PI4KA: variants seen among roughly 807,000 people sequenced by gnomAD.
PI4KA encodes the protein PI4-kinase alpha.
In PI4KA, 122 loss-of-function variants were observed where a neutral mutation model predicts 271.4. The ratio of observed to expected loss-of-function variants is 0.45; its 90% CI spans 0.39 to 0.52. PI4KA has a LOEUF of 0.52. Ranked by LOEUF, PI4KA falls within the 20% of genes least tolerant of loss-of-function variation. The probability of loss-of-function intolerance (pLI) is 0.00; values close to 1 mark genes in which losing one functional copy is unlikely to be tolerated. For synonymous variants in PI4KA, 1,041 were observed against 1,078.8 expected, an observed-to-expected ratio of 0.96 and a Z score of 0.69; for missense variants, 1,969 against 2,769.1, an observed-to-expected ratio of 0.71 and a Z score of 6.48.
intron 28 of PI4KA, among the ~76,000 whole-genome samples, chr22:20,748,419 G>C (rs1930341579): frequency 6.6e-6 from 1 of 152,260 alleles, no homozygotes; most frequent in Non-Finnish European, 1.5e-5. Flanking sequence ...TGGTGTGGGT[G>C]AACTGGACAG....
intron 54 of PI4KA, among the ~76,000 whole-genome samples, chr22:20,708,549 C>CCACCTGGGGGCAGGTCTCAGCTT (rs1924810082): frequency 7.0e-6 from 1 of 142,774 alleles, no homozygotes; most frequent in Admixed American, 7.0e-5. Context: ...GACCCGGGCG[C>CCACCTGGGGGCAGGTCTCAGCTT]CACCTGGGGG....
chr22:20,841,797 G>A (rs1024486734), intron 1 of PI4KA, among the ~76,000 whole-genome samples: 5 of 152,216 alleles, frequency 3.3e-5, no homozygotes, highest in Non-Finnish European at 7.3e-5. Context: ...AAAAGGAGAA[G>A]AGAGAGGCAG....
chr22:20,723,692 G>A (rs925059589), intron 42 of PI4KA, among the ~76,000 whole-genome samples: 1 of 151,946 alleles, frequency 6.6e-6, no homozygotes, highest in Non-Finnish European at 1.5e-5. Context: ...TTAGCCAGGC[G>A]TGGTGGTACA....
intron 13 of PI4KA, among the ~76,000 whole-genome samples, chr22:20,802,962 T>C (rs933826720): frequency 1.3e-5 from 2 of 152,118 alleles, no homozygotes; most frequent in African/African-American, 4.8e-5. Context: ...CAGTGAAAGA[T>C]GTCAAAAAGA....
At chr22:20,854,901 T>C (rs165762) in intron 1 of PI4KA, among the ~76,000 whole-genome samples, 74,068 of 151,998 alleles carry the variant, frequency 0.49, 18,558 homozygotes, top group African/African-American at 0.59. Flanking sequence ...CCTGCAATCC[T>C]GGCACTTTGG....
chr22:20,747,956 G>C (rs1930290830), intron 28 of PI4KA, among the ~76,000 whole-genome samples: 1 of 152,154 alleles, frequency 6.6e-6, no homozygotes, highest in Non-Finnish European at 1.5e-5. Context: ...AGGTTGGCTT[G>C]AATTCCTGGG....
chr22:20,796,846 C>A (rs553503906), intron 17 of PI4KA, among the ~76,000 whole-genome samples: 5 of 152,346 alleles, frequency 3.3e-5, no homozygotes, highest in African/African-American at 9.6e-5. Flanking sequence ...GCCTCAGGAT[C>A]TTGGCTGGCC....
intron 32 of PI4KA, among the ~76,000 whole-genome samples, chr22:20,739,744 A>G (rs1053340076): frequency 2.6e-5 from 4 of 152,206 alleles, no homozygotes; most frequent in African/African-American, 9.6e-5. Context: ...AGAGAATCTC[A>G]GCAGCAGAAA....
chr22:20,746,713 T>A (rs144191834), intron 29 of PI4KA, among the ~76,000 whole-genome samples: 15 of 152,284 alleles, frequency 9.9e-5, no homozygotes, highest in Non-Finnish European at 1.8e-4. Flanking sequence ...GCCCTGCAGG[T>A]GCAGGCTGGA....
chr22:20,709,941 G>A lies in PI4KA; in HGVS notation c.6140C>T (p.Pro2047Leu). Residue 2047 changes from proline to leucine, a missense_variant, in exon 53 of 55, where the codon CCC becomes CTC. Transcript: ENST00000255882. Reference sequence around the variant, plus strand: ...CTTGATTGTCTGGCCGCGAAAACAGGGCAGGCCCGTGTCCAACATGAGAGT... The same window carrying A: ...CTTGATTGTCTGGCCGCGAAAACAGAGCAGGCCCGTGTCCAACATGAGAGT... The part of the protein sequence containing the change: ...LVTLMLDTGL[P>L]CFRGQTIKLL... The A allele has an allele frequency of 6.2e-7, 1 of 1,613,388 alleles. No homozygotes were observed. The highest frequency in any genetic ancestry group is 1.1e-5 in the South Asian group (1 of 91,056).
chr22:20,747,869 G>A (rs1380585560), intron 28 of PI4KA, among the ~76,000 whole-genome samples, 167 bp from the exon 29 acceptor site: 1 of 151,952 alleles, frequency 6.6e-6, no homozygotes, highest in Non-Finnish European at 1.5e-5. Flanking sequence ...CAAGTAGCTG[G>A]GACTATAGGG....
intron 19 of PI4KA, among the ~76,000 whole-genome samples, chr22:20,771,875 C>T (rs752784444): frequency 3.3e-5 from 5 of 152,218 alleles, no homozygotes; most frequent in South Asian, 2.1e-4. Context: ...AGCCACCACA[C>T]CTGGCCGGTA....
intron 42 of PI4KA, among the ~76,000 whole-genome samples, chr22:20,723,848 T>A (rs566561672): frequency 1.3e-5 from 2 of 151,388 alleles, no homozygotes; most frequent in African/African-American, 4.8e-5. Flanking sequence ...AAATATTTAT[T>A]ATTTTTTTGA....
chr22:20,716,894 C>T lies in PI4KA; in HGVS notation c.5317+814G>A, dbSNP rs142043211. ...AGGGCACTCCACAGCTGAGACCAGC[C>T]GCTGTGAACATCTGCACAGGACAGA... On this transcript the variant is annotated intron_variant, in intron 45 of 54. Transcript: ENST00000255882. Among the ~76,000 whole-genome samples the T allele has an allele frequency of 6.2e-4, 95 of 152,296 alleles. 2 individuals are homozygous for T. The highest frequency in any genetic ancestry group is 1.9e-3 in the African/African-American group (80 of 41,562).
At chr22:20,770,258 A>T (rs1932808414) in intron 19 of PI4KA, among the ~76,000 whole-genome samples, 1 of 151,546 alleles carries the variant, frequency 6.6e-6, no homozygotes, top group African/African-American at 2.4e-5. Flanking sequence ...CATGCCTGTA[A>T]TCCTAGCACT....
At position 20,733,800 on chromosome 22, in the gene PI4KA, G is replaced by C; in HGVS notation, c.4096C>G (p.Pro1366Ala). ...GLSLLHADVVPNATIRNVLRE... is the reference protein window; with the variant it reads ...GLSLLHADVVANATIRNVLRE... ...AGCACATTGCGGATGGTTGCATTTG[G>C]AACCACATCGGCATGCAGGAGGGAC... The change falls in exon 35 of 55, where the codon CCA becomes GCA. Residue 1366 changes from proline to alanine, a missense_variant. By Grantham distance (27) the Pro-to-Ala change is conservative (BLOSUM62 -1). Coordinates refer to ENST00000255882, the MANE Select transcript of PI4KA (RefSeq NM_058004.4). 6.2e-7 allele frequency: 1 copy of C among 1,612,648 alleles called. No homozygotes were observed. Among genetic ancestry groups the C allele is most frequent in the Non-Finnish European group, 8.5e-7 (1 of 1,179,846 alleles).
chr22:20,833,487 G>A (rs944220749), intron 3 of PI4KA, among the ~76,000 whole-genome samples: 7 of 152,120 alleles, frequency 4.6e-5, no homozygotes, highest in African/African-American at 1.7e-4. Context: ...GGGTCTGTGT[G>A]CACATTTGCA....
At chr22:20,779,854 T>G in intron 19 of PI4KA, 1 of 1,614,246 alleles carries the variant, frequency 6.2e-7, no homozygotes. Context: ...CACTCGATTT[T>G]GCATTTTAAA....
intron 19 of PI4KA, among the ~76,000 whole-genome samples, chr22:20,770,437 C>T (rs1456182499): frequency 1.4e-5 from 2 of 146,454 alleles, no homozygotes; most frequent in Non-Finnish European, 3.0e-5. Context: ...CGCTTGAACC[C>T]AGGAGGCAGA....
Sources: gnomAD v4.1 joint callset for allele counts (sites outside exome capture counted in the v4.1 genomes callset) on GRCh38, gnomAD v4.1.1 for gene constraint, MANE v1.5 for transcripts, NCBI Gene and HGNC (gene_info 2026-07-23, HGNC 2026-07-21) for gene names.